The following B4GALT5 variants were observed in gnomAD, a reference collection of about 807,000 sequenced individuals.
B4GALT5 encodes UDP-Gal:beta-GlcNAc beta-1,4-galactosyltransferase 5.
In B4GALT5, 11 loss-of-function variants were observed where a neutral mutation model predicts 45.0. The observed-to-expected ratio is 0.24, with a 90% CI of 0.15 to 0.40. B4GALT5 has a LOEUF of 0.40. Among genes scored for constraint, B4GALT5 ranks in the 10% least tolerant of loss-of-function variants. The pLI is 1.00. For synonymous variants in B4GALT5, 185 were observed against 182.9 expected (o/e 1.01, Z -0.09); for missense variants, 337 against 500.2 (o/e 0.67, Z 3.11).
intron 1 of B4GALT5, among the ~76,000 whole-genome samples, chr20:49,688,088 AGCCACTATTCACAG>A (rs1359305804): frequency 1.3e-5 from 2 of 152,324 alleles, no homozygotes; most frequent in African/African-American, 4.8e-5. Flanking sequence ...ACATGACCAG[AGCCACTATTCACAG>A]GCAGAGAAAC....
At chr20:49,694,526 A>G (rs908856912) in intron 1 of B4GALT5, among the ~76,000 whole-genome samples, 7 of 151,910 alleles carry the variant, frequency 4.6e-5, no homozygotes, top group African/African-American at 1.7e-4. Context: ...GGTCCTAGCT[A>G]CTTGGGAGGG....
At chr20:49,654,318 CAT>C (rs201931860) in intron 2 of B4GALT5, among the ~76,000 whole-genome samples, 10 of 152,322 alleles carry the variant, frequency 6.6e-5, no homozygotes, top group African/African-American at 1.4e-4. Context: ...GACAGAGCCA[CAT>C]GAGTCGAGTG....
At chr20:49,643,253 T>C (rs1168174178) in intron 4 of B4GALT5, among the ~76,000 whole-genome samples, 2 of 152,194 alleles carry the variant, frequency 1.3e-5, no homozygotes, top group African/African-American at 4.8e-5. Flanking sequence ...AAATGGGTCA[T>C]TAGAGACCAC....
At chr20:49,698,277 G>T (rs937180654) in intron 1 of B4GALT5, among the ~76,000 whole-genome samples, 1 of 151,802 alleles carries the variant, frequency 6.6e-6, no homozygotes, top group Non-Finnish European at 1.5e-5. Context: ...GAGCCGAGAC[G>T]GTGGCACCAC....
In B4GALT5 at chr20:49,636,367, T is replaced by C. The variant is rs6122801; in HGVS notation, c.1112A>G (p.Tyr371Cys). 1 of 1,614,242 alleles carries C rather than the reference T, an allele frequency of 6.2e-7. No individual in the cohort carries two copies. Among genetic ancestry groups the C allele is most frequent in the Non-Finnish European group, 8.5e-7 (1 of 1,180,034 alleles). Residue 371 changes from tyrosine to cysteine, a missense_variant, in exon 9 of 9, where the codon TAT (tyrosine) becomes TGT (cysteine). Coordinates refer to ENST00000371711, the MANE Select transcript of B4GALT5 (RefSeq NM_004776.4). ...YFANITYDAL[Y>C]KNITVNLTPE... ...TGTCAGGTTGACAGTTATGTTTTTATACAAGGCGTCGTATGTGATGTTTGC... is the reference window on the plus strand; with the variant it reads ...TGTCAGGTTGACAGTTATGTTTTTACACAAGGCGTCGTATGTGATGTTTGC...
At chr20:49,704,191 G>A (rs973680310) in intron 1 of B4GALT5, among the ~76,000 whole-genome samples, 1 of 152,156 alleles carries the variant, frequency 6.6e-6, no homozygotes, top group African/African-American at 2.4e-5. Flanking sequence ...GGGATAATGA[G>A]CAGCTCTGTG....
In B4GALT5 at chr20:49,634,620, T is replaced by C. The variant is rs547421981; in HGVS notation, c.*1692A>G. Reference sequence around the variant, plus strand: ...CACACCCGCCCATAATCCCAGCACTTTGGGAAGTCAAGGTGGGCGGATTGC... The same window carrying C: ...CACACCCGCCCATAATCCCAGCACTCTGGGAAGTCAAGGTGGGCGGATTGC... On this transcript the variant is annotated 3_prime_UTR_variant, in exon 9 of 9. Coordinates refer to ENST00000371711, the MANE Select transcript of B4GALT5 (RefSeq NM_004776.4). The C allele has an allele frequency of 3.3e-5, 5 of 152,212 alleles. No homozygotes were observed. The highest frequency in any genetic ancestry group is 6.8e-3 in the Middle Eastern group (2 of 294). The allele number at this position is 152,212 out of a possible 1,614,324, so 9.4% of individuals were successfully genotyped here. A position where few individuals can be genotyped will look rare whatever the true frequency, so the allele number is the denominator to read the frequency against.
At position 49,688,937 on chromosome 20, in the gene B4GALT5, C is replaced by CAAA. The variant is rs780888236; in HGVS notation, c.115+24636_115+24638dup. 1.6e-4 allele frequency among the ~76,000 whole-genome samples: 12 copies of CAAA among 74,220 alleles called. No homozygotes were observed. In the South Asian group the frequency reaches 2.4e-3, roughly 15 times the overall value. 48.7% of individuals were successfully genotyped at this position (74,220 alleles called of 152,430 possible). ...GGGTAACAAGAGTGAAACTCCATCT[C>CAAA]AAAAAAAAAAAAAAAAAACAGGGTG... On this transcript the variant is annotated intron_variant, in intron 1 of 8. Transcript: ENST00000371711.
At chr20:49,653,579 C>T (rs2085630838) in intron 2 of B4GALT5, among the ~76,000 whole-genome samples, 1 of 152,234 alleles carries the variant, frequency 6.6e-6, no homozygotes, top group Non-Finnish European at 1.5e-5. Flanking sequence ...AACCCTGCTG[C>T]TGCATCAAGT....
rs1013004904 is a variant in B4GALT5 at position 49,671,153 on chromosome 20, C to T, written c.116-14451G>A. Among the ~76,000 whole-genome samples the T allele has an allele frequency of 4.9e-4, 74 of 152,078 alleles. 1 individual carries two copies. The highest frequency in any genetic ancestry group is 1.7e-3 in the African/African-American group (72 of 41,406). ...CAGCACTTTGGGAGGCCAAGGTGGG[C>T]GGATCACCTGAGGTCAGGAGTTCAA... On this transcript the variant is annotated intron_variant, in intron 1 of 8. Transcript: ENST00000371711.
chr20:49,644,321 A>T (rs2085590081), intron 3 of B4GALT5, among the ~76,000 whole-genome samples: 1 of 152,074 alleles, frequency 6.6e-6, no homozygotes, highest in Non-Finnish European at 1.5e-5. Context: ...CCTGAGCTCC[A>T]GTGATTCTCC....
intron 3 of B4GALT5, 61 bp downstream of exon 3, chr20:49,646,902 CAA>C: frequency 2.0e-6 from 2 of 1,004,718 alleles, no homozygotes; most frequent in South Asian, 3.2e-5. Context: ...ACAGAGAGAT[CAA>C]GAGTGCCCTC....
In B4GALT5 at chr20:49,713,719, A is replaced by G. The variant is rs2085932155; in HGVS notation, c.-29T>C. 3.8e-6 allele frequency: 4 copies of G among 1,048,456 alleles called. No individual in the cohort carries two copies. In the African/African-American group the frequency reaches 6.9e-5, roughly 18 times the overall value. 64.9% of individuals were successfully genotyped at this position (1,048,456 alleles called of 1,614,324 possible). A position where few individuals can be genotyped will look rare whatever the true frequency, so the allele number is the denominator to read the frequency against. ...GCAGCCAGGCGGCCGCTAGAGAGCC[A>G]GGCCGGGCCTGCTCCCGCAGCTCCC... is the stretch of plus-strand genomic sequence containing the variant. On this transcript the variant is annotated 5_prime_UTR_variant, in exon 1 of 9. Transcript: ENST00000371711.
chr20:49,649,879 T>C (rs995193534), intron 2 of B4GALT5, among the ~76,000 whole-genome samples: 2 of 152,200 alleles, frequency 1.3e-5, no homozygotes, highest in Non-Finnish European at 2.9e-5. Flanking sequence ...GCTGGAAACA[T>C]GTATTGGCAC....
chr20:49,675,166 G>A (rs1352886803), intron 1 of B4GALT5, among the ~76,000 whole-genome samples: 1 of 152,118 alleles, frequency 6.6e-6, no homozygotes, highest in Admixed American at 6.5e-5. Flanking sequence ...GGCTTGTTCC[G>A]TGTGTTCAGT....
At chr20:49,637,865 G>A (rs1456752913) in intron 7 of B4GALT5, among the ~76,000 whole-genome samples, 1 of 151,930 alleles carries the variant, frequency 6.6e-6, no homozygotes, top group Non-Finnish European at 1.5e-5. Context: ...CTTGAACCCG[G>A]GAGGCAAAGG....
At chr20:49,646,408 T>C (rs1342315468) in intron 3 of B4GALT5, among the ~76,000 whole-genome samples, 1 of 152,120 alleles carries the variant, frequency 6.6e-6, no homozygotes, top group African/African-American at 2.4e-5. Context: ...TACACAGCTG[T>C]ACCATTTTTT....
At chr20:49,646,250 GCAGC>G (rs1489367862) in intron 3 of B4GALT5, among the ~76,000 whole-genome samples, 1 of 152,118 alleles carries the variant, frequency 6.6e-6, no homozygotes, top group Non-Finnish European at 1.5e-5. Context: ...TAAATTTGGT[GCAGC>G]CAAAGTGTTC....
intron 7 of B4GALT5, among the ~76,000 whole-genome samples, chr20:49,638,075 G>A (rs1568713905): frequency 6.6e-6 from 1 of 151,658 alleles, no homozygotes; most frequent in Non-Finnish European, 1.5e-5. Flanking sequence ...CTGGAGTACA[G>A]TGAGGTGATC....
Sources: allele counts gnomAD v4.1 joint callset (sites outside exome capture counted in the v4.1 genomes callset), GRCh38; gene constraint gnomAD v4.1.1; transcripts MANE v1.5; gene names NCBI Gene and HGNC (gene_info 2026-07-23, HGNC 2026-07-21).